The following GNA14 variants were observed in gnomAD, a reference collection of about 807,000 sequenced individuals.
GNA14 encodes G protein subunit alpha 14, also known as guanine nucleotide-binding protein subunit alpha-14.
A neutral mutation model predicts 42.0 loss-of-function variants in GNA14; 50 were observed. The observed-to-expected ratio is 1.19, with a 90% CI of 0.95 to 1.51. GNA14 has a LOEUF of 1.51. Ranked by LOEUF, GNA14 falls within the 40% of genes most tolerant of loss-of-function variation. GNA14 has a pLI of 0.00. For synonymous variants in GNA14, 173 were observed against 163.1 expected, an observed-to-expected ratio of 1.06 and a Z score of -0.46; for missense variants, 473 against 446.2, an observed-to-expected ratio of 1.06 and a Z score of -0.54.
At chr9:77,425,506 C>G in intron 6 of GNA14, 56 bp downstream of exon 6, 1 of 1,375,310 alleles carries the variant, frequency 7.3e-7, no homozygotes, top group South Asian at 1.4e-5. Flanking sequence ...TAGACTGATG[C>G]CCGGGAGGTG....
At position 77,647,715 on chromosome 9, in the gene GNA14, G is replaced by C; in HGVS notation, c.79C>G (p.Arg27Gly). 6.2e-7 allele frequency: 1 copy of C among 1,610,184 alleles called. No homozygotes were observed. Among genetic ancestry groups the C allele is most frequent in the Non-Finnish European group, 8.5e-7 (1 of 1,178,612 alleles). ...TCACGGCGCGCGTCCTTCTTGTCCCGACGAAGCTGTCGCTCGATCTCCGCG... is the reference window on the plus strand; with the variant it reads ...TCACGGCGCGCGTCCTTCTTGTCCCCACGAAGCTGTCGCTCGATCTCCGCG... ...ISAEIERQLRRDKKDARRELK... is the reference protein window; with the variant it reads ...ISAEIERQLRGDKKDARRELK... Residue 27 changes from arginine to glycine, a missense_variant, in exon 1 of 7, where the codon CGG becomes GGG. Transcript: ENST00000341700.
At chr9:77,541,020 T>C (rs1423281186) in intron 1 of GNA14, among the ~76,000 whole-genome samples, 2 of 152,140 alleles carry the variant, frequency 1.3e-5, no homozygotes, top group East Asian at 3.9e-4. Context: ...GGTTCCTTTG[T>C]TCATTTCTTT....
chr9:77,474,617 C>A (rs981553959), intron 2 of GNA14, among the ~76,000 whole-genome samples: 15 of 152,168 alleles, frequency 9.9e-5, no homozygotes, highest in Admixed American at 9.8e-4. Flanking sequence ...AGCATAATTA[C>A]TAAATGGCCC....
intron 2 of GNA14, among the ~76,000 whole-genome samples, chr9:77,493,208 T>G (rs1454005289): frequency 6.6e-6 from 1 of 151,506 alleles, no homozygotes; most frequent in East Asian, 1.9e-4. Flanking sequence ...CACAAAGTCT[T>G]ATCTCTACTA....
At chr9:77,647,381 G>A (rs1263955065) in intron 1 of GNA14, among the ~76,000 whole-genome samples, 2 of 152,146 alleles carry the variant, frequency 1.3e-5, no homozygotes, top group Non-Finnish European at 2.9e-5. Flanking sequence ...TGAGGAGAGG[G>A]GCACACCGGA....
intron 1 of GNA14, among the ~76,000 whole-genome samples, chr9:77,575,506 T>C (rs1049418013): frequency 1.1e-4 from 17 of 152,264 alleles, no homozygotes; most frequent in Admixed American, 9.8e-4. Context: ...TCTTACTTGA[T>C]AGTAAATGTT....
At position 77,554,505 on chromosome 9, in the gene GNA14, C is replaced by G. The variant is rs554587164; in HGVS notation, c.125-25252G>C. ...AGCAAGAACAGGGATGCTGTCTGTT[C>G]TGTTTCCTCTCATTTTCAATGCGAG... is the stretch of plus-strand genomic sequence containing the variant. On this transcript the variant is annotated intron_variant, in intron 1 of 6. Transcript: ENST00000341700. Among the ~76,000 whole-genome samples the G allele has an allele frequency of 2.6e-5, 4 of 152,268 alleles. No individual in the cohort carries two copies. In the South Asian group the frequency reaches 8.3e-4, roughly 32 times the overall value.
chr9:77,585,812 C>A (rs772583524), intron 1 of GNA14, among the ~76,000 whole-genome samples: 4 of 152,206 alleles, frequency 2.6e-5, no homozygotes, highest in Non-Finnish European at 5.9e-5. Flanking sequence ...CCTGCTACAT[C>A]TTCCTCATTT....
intron 2 of GNA14, among the ~76,000 whole-genome samples, chr9:77,446,254 C>G (rs147141154): frequency 6.6e-6 from 1 of 152,198 alleles, no homozygotes; most frequent in Non-Finnish European, 1.5e-5. Flanking sequence ...GTTATTTTCA[C>G]GGCCCTTCCA....
At chr9:77,576,952 T>C (rs1173429526) in intron 1 of GNA14, among the ~76,000 whole-genome samples, 1 of 152,176 alleles carries the variant, frequency 6.6e-6, no homozygotes, top group Non-Finnish European at 1.5e-5. Context: ...AGCAAATAGC[T>C]CAGAAATTTA....
intron 2 of GNA14, among the ~76,000 whole-genome samples, chr9:77,455,836 A>G (rs1390730484): frequency 2.0e-5 from 3 of 152,198 alleles, no homozygotes; most frequent in Non-Finnish European, 2.9e-5. Context: ...GGCTAAGTCT[A>G]AGTAACTGAG....
At chr9:77,570,617 C>T (rs528254196) in intron 1 of GNA14, among the ~76,000 whole-genome samples, 12 of 152,078 alleles carry the variant, frequency 7.9e-5, no homozygotes, top group African/African-American at 1.2e-4. Flanking sequence ...CTATTCCACA[C>T]ATTTTGTTTA....
intron 1 of GNA14, among the ~76,000 whole-genome samples, chr9:77,548,664 G>GC (rs1219262629): frequency 6.6e-6 from 1 of 152,026 alleles, no homozygotes; most frequent in Non-Finnish European, 1.5e-5. Flanking sequence ...TGTCTTACCC[G>GC]CCATCCAGTG....
chr9:77,446,627 G>A (rs1351001660), intron 2 of GNA14, among the ~76,000 whole-genome samples: 1 of 152,190 alleles, frequency 6.6e-6, no homozygotes, highest in Non-Finnish European at 1.5e-5. Flanking sequence ...GGAGAGTGAA[G>A]GAGAAGGGGT....
At chr9:77,647,205 G>C (rs893258909) in intron 1 of GNA14, among the ~76,000 whole-genome samples, 2 of 152,170 alleles carry the variant, frequency 1.3e-5, no homozygotes, top group Non-Finnish European at 2.9e-5. Flanking sequence ...GCATCACCAG[G>C]TGGTGATGCC....
Position 77,647,691 on chromosome 9 carries a change from C to G in GNA14, c.103G>C (p.Glu35Gln). The G allele has an allele frequency of 6.2e-7, 1 of 1,610,188 alleles. No individual in the cohort carries two copies. The highest frequency in any genetic ancestry group is 8.5e-7 in the Non-Finnish European group (1 of 1,178,626). Reference protein sequence around the residue: ...LRRDKKDARRELKLLLLGTGE... With the variant: ...LRRDKKDARRQLKLLLLGTGE... ...TCACCCAGCAGCAGCAGCTTAAGCT[C>G]ACGGCGCGCGTCCTTCTTGTCCCGA... The change falls in exon 1 of 7, where the codon GAG (glutamate) becomes CAG (glutamine). Residue 35 changes from glutamate to glutamine, a missense_variant. Glu to Gln is a conservative substitution (Grantham distance 29). Coordinates refer to ENST00000341700, the MANE Select transcript of GNA14 (RefSeq NM_004297.4).
At chr9:77,464,297 G>A (rs114088782) in intron 2 of GNA14, among the ~76,000 whole-genome samples, 4,484 of 151,896 alleles carry the variant, frequency 0.03, 222 homozygotes, top group African/African-American at 0.1. Context: ...CACCATGCCC[G>A]GCCATGTGTG....
chr9:77,638,117 C>A (rs968008757), intron 1 of GNA14, among the ~76,000 whole-genome samples: 9 of 152,150 alleles, frequency 5.9e-5, no homozygotes, highest in African/African-American at 2.2e-4. Context: ...AGTCAACTAG[C>A]CTATCTCATT....
Position 77,647,746 on chromosome 9 carries a change from G to A in GNA14, c.48C>T (p.Arg16=). 1 of 1,609,982 alleles carries A rather than the reference G, an allele frequency of 6.2e-7. No individual in the cohort carries two copies. The highest frequency in any genetic ancestry group is 8.5e-7 in the Non-Finnish European group (1 of 1,178,634). ...GCTGTCGCTCGATCTCCGCGCTGATGCGCTGCGACTCCTTCTCCTCCGCGG... is the reference window on the plus strand; with the variant it reads ...GCTGTCGCTCGATCTCCGCGCTGATACGCTGCGACTCCTTCTCCTCCGCGG... The part of the protein sequence containing the change: ...CLSAEEKESQ[R]ISAEIERQLR... Residue 16 remains arginine (R), a synonymous_variant, in exon 1 of 7, where the codon CGC becomes CGT. Coordinates refer to ENST00000341700, the MANE Select transcript of GNA14 (RefSeq NM_004297.4).
Sources: gnomAD v4.1 joint callset for allele counts (sites outside exome capture counted in the v4.1 genomes callset) on GRCh38, gnomAD v4.1.1 for gene constraint, MANE v1.5 for transcripts, NCBI Gene and HGNC (gene_info 2026-07-23, HGNC 2026-07-21) for gene names.